Variants in ZDHHC17 observed in about 807,000 individuals in gnomAD.
ZDHHC17 encodes the protein zDHHC palmitoyltransferase 17, also known as palmitoyltransferase ZDHHC17.
Under a neutral mutation model 90.3 loss-of-function variants are expected in ZDHHC17, and 40 were observed. The ratio of observed to expected loss-of-function variants is 0.44; its 90% CI spans 0.34 to 0.58. The LOEUF (loss-of-function observed/expected upper bound fraction) is 0.58. Among genes scored for constraint, ZDHHC17 ranks in the 20% least tolerant of loss-of-function variants. ZDHHC17 has a pLI of 0.01. For missense variants in ZDHHC17, 614 were observed against 780.8 expected (o/e 0.79, Z 2.55); for synonymous variants, 235 against 252.4 (o/e 0.93, Z 0.65).
intron 8 of ZDHHC17, among the ~76,000 whole-genome samples, 174 bp from the exon 9 acceptor site, chr12:76,826,734 T>G (rs4761342): frequency 1.3e-5 from 2 of 151,954 alleles, no homozygotes; most frequent in Non-Finnish European, 2.9e-5. Flanking sequence ...AAATTGTTCA[T>G]TGCCTGTCTC....
At chr12:76,846,840 AATTATG>A (rs1439557139) in intron 14 of ZDHHC17, among the ~76,000 whole-genome samples, 161 bp downstream of exon 14, 3 of 152,262 alleles carry the variant, frequency 2.0e-5, no homozygotes, top group Non-Finnish European at 4.4e-5. Context: ...CAGCTCTATC[AATTATG>A]TCCAATATAC....
intron 10 of ZDHHC17, 41 bp downstream of exon 10, chr12:76,828,531 G>T: frequency 6.4e-7 from 1 of 1,570,538 alleles, no homozygotes; most frequent in South Asian, 1.1e-5. Context: ...AACAAATTTT[G>T]TTTGTTATTT....
chr12:76,807,124 A>C (rs1010477151), intron 3 of ZDHHC17, among the ~76,000 whole-genome samples: 1 of 152,212 alleles, frequency 6.6e-6, no homozygotes, highest in Non-Finnish European at 1.5e-5. Context: ...GGACTTTAAG[A>C]GTTTGAATTT....
At chr12:76,808,806 CT>C (rs200967846) in intron 3 of ZDHHC17, among the ~76,000 whole-genome samples, 54 of 146,488 alleles carry the variant, frequency 3.7e-4, no homozygotes, top group East Asian at 4.0e-4. Flanking sequence ...CATTTTTATT[CT>C]TTTTTTTTTG....
intron 2 of ZDHHC17, among the ~76,000 whole-genome samples, chr12:76,803,557 A>T (rs1952918259): frequency 6.6e-6 from 1 of 152,178 alleles, no homozygotes; most frequent in South Asian, 2.1e-4. Flanking sequence ...GTATTGTGGG[A>T]GAAGGAACCT....
chr12:76,820,932 A>G (rs1953157128), intron 7 of ZDHHC17: 1 of 537,116 alleles, frequency 1.9e-6, no homozygotes. Context: ...CCTGGTTTTA[A>G]TATACTTCTT....
At position 76,828,419 on chromosome 12, in the gene ZDHHC17, C is replaced by T. The variant is rs1318966301; in HGVS notation, c.1070C>T (p.Ala357Val). The T allele has an allele frequency of 1.2e-6, 2 of 1,612,370 alleles. No homozygotes were observed. Among genetic ancestry groups the T allele is most frequent in the Non-Finnish European group, 1.7e-6 (2 of 1,179,126 alleles). ...TTTTTCGATCATTCAATGCATAGTG[C>T]ATTGCCCCTTGGGATATATTTGGCA... Reference protein sequence around the residue: ...KSFFDHSMHSALPLGIYLATK... With the variant: ...KSFFDHSMHSVLPLGIYLATK... The change falls in exon 10 of 17, where the codon GCA (alanine) becomes GTA (valine). Residue 357 changes from alanine (A) to valine (V), a missense_variant. Physicochemically the swap from Ala to Val is moderately conservative, Grantham distance 64. Transcript: ENST00000426126.
At chr12:76,811,760 A>C (rs1327023411) in intron 5 of ZDHHC17, among the ~76,000 whole-genome samples, 7 of 152,120 alleles carry the variant, frequency 4.6e-5, no homozygotes, top group Admixed American at 3.3e-4. Context: ...ACTTCCTTTA[A>C]TAATGTAGTA....
At chr12:76,784,359 A>G (rs1952662378) in intron 1 of ZDHHC17, among the ~76,000 whole-genome samples, 2 of 152,184 alleles carry the variant, frequency 1.3e-5, no homozygotes, top group Non-Finnish European at 2.9e-5. Context: ...ACAAACATCA[A>G]ATTTATGGTG....
intron 1 of ZDHHC17, among the ~76,000 whole-genome samples, chr12:76,790,229 C>T (rs530991011): frequency 1.1e-4 from 16 of 152,032 alleles, no homozygotes; most frequent in Admixed American, 2.0e-4. Flanking sequence ...AGGCTGGGCA[C>T]GGTGGAGCAC....
At chr12:76,848,105 G>T (rs1349236684) in intron 14 of ZDHHC17, 128 bp from the exon 15 acceptor site, 4 of 865,784 alleles carry the variant, frequency 4.6e-6, no homozygotes, top group South Asian at 4.0e-5. Flanking sequence ...AAAGACATTT[G>T]CTATTGAATG....
intron 2 of ZDHHC17, among the ~76,000 whole-genome samples, chr12:76,802,237 T>C (rs755125704): frequency 3.9e-5 from 6 of 152,190 alleles, no homozygotes; most frequent in African/African-American, 7.2e-5. Flanking sequence ...TTGGTTGGCA[T>C]TGGTTTTCTT....
chr12:76,765,808 C>T (rs1162783083), intron 1 of ZDHHC17, among the ~76,000 whole-genome samples: 1 of 152,146 alleles, frequency 6.6e-6, no homozygotes, highest in Non-Finnish European at 1.5e-5. Context: ...TCAAGTGATC[C>T]TCTCCCCTCA....
At chr12:76,796,561 C>T (rs1306118582) in intron 1 of ZDHHC17, among the ~76,000 whole-genome samples, 2 of 152,016 alleles carry the variant, frequency 1.3e-5, no homozygotes, top group East Asian at 3.9e-4. Flanking sequence ...AGGATATTAA[C>T]ATTTTTAGGC....
chr12:76,823,066 G>A (rs1055736606), intron 8 of ZDHHC17, among the ~76,000 whole-genome samples: 1 of 151,912 alleles, frequency 6.6e-6, no homozygotes, highest in African/African-American at 2.4e-5. Flanking sequence ...TAATTAAGAA[G>A]GATGGGTATA....
intron 1 of ZDHHC17, among the ~76,000 whole-genome samples, chr12:76,795,701 A>G (rs1053928391): frequency 2.0e-5 from 3 of 152,208 alleles, no homozygotes; most frequent in African/African-American, 7.2e-5. Flanking sequence ...ATTTAAAGAA[A>G]TTAAATGGAT....
intron 9 of ZDHHC17, 34 bp from the exon 10 acceptor site, chr12:76,828,356 A>C: frequency 2.7e-5 from 39 of 1,437,560 alleles, no homozygotes; most frequent in South Asian, 3.7e-5. Context: ...AATGAAATAT[A>C]GAGCTCATAT....
chr12:76,823,189 T>C (rs548756479), intron 8 of ZDHHC17, among the ~76,000 whole-genome samples: 1 of 152,322 alleles, frequency 6.6e-6, no homozygotes, highest in African/African-American at 2.4e-5. Flanking sequence ...GAATGCTTGT[T>C]TGTTAGTATG....
intron 1 of ZDHHC17, among the ~76,000 whole-genome samples, chr12:76,792,554 C>T (rs1952770956): frequency 6.6e-6 from 1 of 152,020 alleles, no homozygotes; most frequent in African/African-American, 2.4e-5. Flanking sequence ...CCCAGCTCTT[C>T]CCATTCCTGT....
Sources: allele counts gnomAD v4.1 joint callset (sites outside exome capture counted in the v4.1 genomes callset), GRCh38; gene constraint gnomAD v4.1.1; transcripts MANE v1.5; gene names NCBI Gene and HGNC (gene_info 2026-07-23, HGNC 2026-07-21).